Variants in ELF4 observed in about 807,000 individuals in gnomAD.
ELF4 encodes the protein E74 like ETS transcription factor 4.
Under a neutral mutation model 31.7 loss-of-function variants are expected in ELF4, and 10 were observed. The ratio of observed to expected loss-of-function variants is 0.32; its 90% CI spans 0.19 to 0.54. ELF4 has a LOEUF of 0.54. Ranked by LOEUF, ELF4 falls within the 20% of genes least tolerant of loss-of-function variation. The pLI, the probability that ELF4 is intolerant of heterozygous loss-of-function variation, is 0.95. For missense variants in ELF4, 418 were observed against 522.0 expected, an observed-to-expected ratio of 0.80 and a Z score of 1.94; for synonymous variants, 208 against 226.7, an observed-to-expected ratio of 0.92 and a Z score of 0.74.
At chrX:130,078,385 T>A (rs1932853541) in intron 2 of ELF4, among the ~76,000 whole-genome samples, 1 of 126 alleles carries the variant, frequency 7.9e-3, no homozygotes, top group Non-Finnish European at 0.016. Context: ...TTGGGAGGCG[T>A]GAGAGCAGAA....
At chrX:130,083,077 G>A (rs1207628205) in intron 1 of ELF4, among the ~76,000 whole-genome samples, 2 of 108,739 alleles carry the variant, frequency 1.8e-5, no homozygotes, top group African/African-American at 3.4e-5. Flanking sequence ...AGGGCTGGCC[G>A]TGCCTTTGCC....
chrX:130,090,148 C>T (rs1432120848), intron 1 of ELF4, among the ~76,000 whole-genome samples: 4 of 108,170 alleles, frequency 3.7e-5, no homozygotes, highest in Non-Finnish European at 5.7e-5. Flanking sequence ...CCGAGGCAGG[C>T]GGATGATGAG....
At chrX:130,076,495 G>A (rs1250419866) in intron 2 of ELF4, among the ~76,000 whole-genome samples, 19 of 112,182 alleles carry the variant, frequency 1.7e-4, no homozygotes, top group African/African-American at 6.2e-4. Flanking sequence ...GCAGTGGCAC[G>A]ATCTTGGCTT....
At chrX:130,067,812 T>A (rs1932722101) in intron 8 of ELF4, among the ~76,000 whole-genome samples, 1 of 108,155 alleles carries the variant, frequency 9.2e-6, no homozygotes, top group South Asian at 3.9e-4. Context: ...CAGCTAATTT[T>A]TAATTTATTT....
chrX:130,078,985 G>A (rs1420709588), intron 2 of ELF4, among the ~76,000 whole-genome samples: 1 of 110,691 alleles, frequency 9.0e-6, no homozygotes, highest in Non-Finnish European at 1.9e-5. Context: ...AGAAAAAAGA[G>A]TGAAAGGCAG....
chrX:130,092,799 A>G (rs1933082407), intron 1 of ELF4, among the ~76,000 whole-genome samples: 1 of 110,802 alleles, frequency 9.0e-6, no homozygotes, highest in Admixed American at 9.6e-5. Context: ...GTAATTTTGC[A>G]GGGGCCTTGT....
rs1416258876 is a variant in ELF4, at chrX:130,064,050, T to C, written c.*2671A>G. The stretch of plus-strand genomic sequence containing the variant: ...GGGATACATGTGCAGAACGTGCAGG[T>C]TTGTTACATAGGTATACATGTGCCA... On this transcript the variant is annotated 3_prime_UTR_variant, in exon 9 of 9. Coordinates refer to ENST00000308167, the MANE Select transcript of ELF4 (RefSeq NM_001421.4). Among the ~76,000 whole-genome samples, 1 of 108,201 alleles carries C rather than the reference T, an allele frequency of 9.2e-6. No homozygotes were observed. The highest frequency in any genetic ancestry group is 1.9e-5 in the Non-Finnish European group (1 of 52,342). The allele number at this position is 108,201 out of a possible 115,157, so 94.0% of individuals were successfully genotyped here.
At chrX:130,079,186 G>A (rs936244053) in intron 2 of ELF4, among the ~76,000 whole-genome samples, 1 of 111,080 alleles carries the variant, frequency 9.0e-6, no homozygotes, top group African/African-American at 3.3e-5. Flanking sequence ...GGCCAGGCGC[G>A]GTGGCTCACG....
upstream of ELF4, among the ~76,000 whole-genome samples, chrX:130,111,795 C>CTT (rs1446823705): frequency 8.9e-6 from 1 of 112,382 alleles, no homozygotes; most frequent in East Asian, 2.8e-4. Flanking sequence ...GCACGCTCCC[C>CTT]TTCTATCTCC....
At chrX:130,072,663 G>A (rs776248217) in intron 4 of ELF4, among the ~76,000 whole-genome samples, 6 of 112,408 alleles carry the variant, frequency 5.3e-5, no homozygotes, top group African/African-American at 1.9e-4. Context: ...TTGGTGGTAG[G>A]GAAGTTCTAG....
Position 130,063,976 on chromosome X carries a change from TTATTA to T in ELF4, c.*2740_*2744del, listed in dbSNP as rs1932608671. 6.2e-5 allele frequency among the ~76,000 whole-genome samples: 3 copies of T among 48,039 alleles called. No homozygotes were observed. In the African/African-American group the frequency reaches 7.1e-4, roughly 11 times the overall value. The allele number at this position is 48,039 out of a possible 115,157, so 41.7% of individuals were successfully genotyped here. ...GGCCTTTTTGTTTGCTTGATTTTTA[TTATTA>T]TTATTATTATTATTATTATTATTAT... On this transcript the variant is annotated 3_prime_UTR_variant, in exon 9 of 9. Coordinates refer to ENST00000308167, the MANE Select transcript of ELF4 (RefSeq NM_001421.4).
chrX:130,092,486 C>A (rs971902256), intron 1 of ELF4, among the ~76,000 whole-genome samples: 4 of 112,608 alleles, frequency 3.6e-5, no homozygotes, highest in African/African-American at 1.3e-4. Flanking sequence ...GGAGCAGGTA[C>A]AAGCGGATGC....
At chrX:130,100,336 A>G (rs1461974626) in intron 1 of ELF4, among the ~76,000 whole-genome samples, 1 of 111,609 alleles carries the variant, frequency 9.0e-6, no homozygotes, top group African/African-American at 3.3e-5. Flanking sequence ...GGCTGTGACC[A>G]CACCAGCCAG....
chrX:130,086,927 G>A (rs1244962018), intron 1 of ELF4, among the ~76,000 whole-genome samples: 2 of 112,003 alleles, frequency 1.8e-5, no homozygotes, highest in East Asian at 5.6e-4. Flanking sequence ...GGAGGGAGGA[G>A]CAGGCTGCTG....
intron 5 of ELF4, 84 bp from the exon 6 acceptor site, chrX:130,071,503 CAAG>C: frequency 8.3e-6 from 8 of 968,898 alleles, no homozygotes; most frequent in Non-Finnish European, 1.2e-5. Flanking sequence ...ACAAAGCCAA[CAAG>C]GAGGAGGCAG....
intron 1 of ELF4, among the ~76,000 whole-genome samples, chrX:130,083,843 G>C (rs1046633362): frequency 6.6e-5 from 7 of 105,328 alleles, no homozygotes; most frequent in South Asian, 7.9e-4. Context: ...TGGATGGATG[G>C]ATGGATGGAT....
rs746954044 is a variant in ELF4, at chrX:130,066,729, C to G, written c.1984G>C (p.Asp662His). Reference protein sequence around the residue: ...PTSLIKMEPHDI With the variant: ...PTSLIKMEPHHI ...TGCCCTGACCCCTTTGCTTATATGT[C>G]ATGGGGCTCCATCTTAATGAGGGAA... Residue 662 changes from aspartate (D) to histidine (H), a missense_variant, in exon 9 of 9, where the codon GAC (aspartate) becomes CAC (histidine). Physicochemically the swap from Asp to His is moderately conservative, Grantham distance 81 (BLOSUM62 -1). Transcript: ENST00000308167. 11 of 1,208,157 alleles carry G rather than the reference C, an allele frequency of 9.1e-6. No homozygotes were observed. The East Asian group carries it at 3.3e-4, about 36-fold the overall frequency.
chrX:130,065,956 G>A lies in ELF4; in HGVS notation c.*765C>T, dbSNP rs781237784. 2.9e-5 allele frequency: 5 copies of A among 173,604 alleles called. No homozygotes were observed. Among genetic ancestry groups the A allele is most frequent in the Non-Finnish European group, 5.5e-5 (5 of 91,064 alleles). 14.3% of individuals were successfully genotyped at this position (173,604 alleles called of 1,213,427 possible). ...GGAAGAGTACCTTGGTCCAGCCAGTGAGGGCTGCTCCCAGAGCTGACTTCC... is the reference window on the plus strand; with the variant it reads ...GGAAGAGTACCTTGGTCCAGCCAGTAAGGGCTGCTCCCAGAGCTGACTTCC... On this transcript the variant is annotated 3_prime_UTR_variant, in exon 9 of 9. Coordinates refer to ENST00000308167, the MANE Select transcript of ELF4 (RefSeq NM_001421.4).
chrX:130,103,688 G>C (rs996317550), intron 1 of ELF4, among the ~76,000 whole-genome samples: 5 of 111,677 alleles, frequency 4.5e-5, no homozygotes, highest in African/African-American at 1.6e-4. Context: ...CAGGAATTTC[G>C]GGAGGTTAAG....
Sources: gnomAD v4.1 joint callset for allele counts (sites outside exome capture counted in the v4.1 genomes callset) on GRCh38, gnomAD v4.1.1 for gene constraint, MANE v1.5 for transcripts, NCBI Gene and HGNC (gene_info 2026-07-23, HGNC 2026-07-21) for gene names.